ATRN: variants seen among roughly 807,000 people sequenced by gnomAD.
The protein encoded by ATRN is attractin-2.
A neutral mutation model predicts 178.7 loss-of-function variants in ATRN; 54 were observed. The observed-to-expected ratio is 0.30, with a 90% CI of 0.24 to 0.38. The LOEUF (loss-of-function observed/expected upper bound fraction) is 0.38. Ranked by LOEUF, ATRN falls within the 10% of genes least tolerant of loss-of-function variation. The pLI, the probability that ATRN is intolerant of heterozygous loss-of-function variation, is 1.00. For synonymous variants in ATRN, 636 were observed against 663.0 expected (o/e 0.96, Z 0.63); for missense variants, 1,443 against 1,815.1 (o/e 0.79, Z 3.73).
intron 1 of ATRN, among the ~76,000 whole-genome samples, chr20:3,521,858 C>G (rs150612444): frequency 3.4e-4 from 52 of 152,316 alleles, no homozygotes; most frequent in African/African-American, 1.1e-3. Context: ...TTGTAGCTCA[C>G]TGCAGCCTCT....
chr20:3,639,074 C>T (rs1325079935), intron 27 of ATRN, 139 bp downstream of exon 27: 8 of 604,358 alleles, frequency 1.3e-5, no homozygotes, highest in Middle Eastern at 4.5e-4. Context: ...TAAGCTAAAA[C>T]CTGAAGTTGC....
intron 1 of ATRN, among the ~76,000 whole-genome samples, chr20:3,485,390 C>T (rs1345681858): frequency 7.2e-5 from 11 of 151,964 alleles, no homozygotes; most frequent in Admixed American, 7.2e-4. Flanking sequence ...TGGTCTTGAT[C>T]CTGACTTTAA....
At chr20:3,525,428 A>G (rs1321457772) in intron 1 of ATRN, among the ~76,000 whole-genome samples, 1 of 152,220 alleles carries the variant, frequency 6.6e-6, no homozygotes, top group Non-Finnish European at 1.5e-5. Context: ...ACCAAAAAAA[A>G]GCCCAGGCCC....
chr20:3,471,090 C>A lies in ATRN; in HGVS notation c.-18C>A. ...GTGTGTGTATGTGTTCGCGGGGCGC[C>A]GTCTCAGCCCCGGGAAGATGGTGGC... On this transcript the variant is annotated 5_prime_UTR_variant, in exon 1 of 29. Coordinates refer to ENST00000262919, the MANE Select transcript of ATRN (RefSeq NM_139321.3). The A allele has an allele frequency of 2.0e-6, 3 of 1,507,592 alleles. No individual in the cohort carries two copies. The highest frequency in any genetic ancestry group is 2.6e-6 in the Non-Finnish European group (3 of 1,134,812). 93.4% of individuals were successfully genotyped at this position (1,507,592 alleles called of 1,614,324 possible). A position where few individuals can be genotyped will look rare whatever the true frequency, so the allele number is the denominator to read the frequency against.
chr20:3,487,453 G>A (rs990582034), intron 1 of ATRN, among the ~76,000 whole-genome samples: 30 of 152,124 alleles, frequency 2.0e-4, no homozygotes, highest in Non-Finnish European at 4.1e-4. Context: ...GGCTGGTCTT[G>A]AACTCCTGAT....
At chr20:3,616,146 T>C (rs1332427151) in intron 24 of ATRN, among the ~76,000 whole-genome samples, 2 of 152,186 alleles carry the variant, frequency 1.3e-5, no homozygotes, top group Non-Finnish European at 2.9e-5. Flanking sequence ...AATGCTATTG[T>C]TCCCTTGGGT....
At chr20:3,563,630 T>G (rs560313608) in intron 10 of ATRN, among the ~76,000 whole-genome samples, 31 of 152,364 alleles carry the variant, frequency 2.0e-4, no homozygotes, top group Non-Finnish European at 3.1e-4. Context: ...TCCTTTGTCA[T>G]GTTATGCCTA....
intron 28 of ATRN, among the ~76,000 whole-genome samples, chr20:3,644,481 G>A (rs528665790): frequency 6.6e-6 from 1 of 152,142 alleles, no homozygotes; most frequent in East Asian, 1.9e-4. Context: ...GGGACGTCCC[G>A]GGACCTCCTC....
At position 3,533,216 on chromosome 20, in the gene ATRN, C is replaced by G. The variant is rs190310064; in HGVS notation, c.411-2037C>G. Among the ~76,000 whole-genome samples the G allele has an allele frequency of 2.0e-4, 30 of 152,224 alleles. No homozygotes were observed. In the East Asian group the frequency reaches 4.4e-3, roughly 23 times the overall value. On this transcript the variant is annotated intron_variant, in intron 1 of 28. Coordinates refer to ENST00000262919, the MANE Select transcript of ATRN (RefSeq NM_139321.3). ...AAGAGGAGATCTAGGTGGCATGTCT[C>G]CCTGTCCACACACTTTCCTAAGAAT... is the stretch of plus-strand genomic sequence containing the variant.
intron 18 of ATRN, among the ~76,000 whole-genome samples, chr20:3,588,981 G>GTTTT (rs386393128): frequency 0.54 from 53,368 of 99,140 alleles, 17,212 homozygotes; most frequent in East Asian, 0.84. Flanking sequence ...ATTTTCTTTT[G>GTTTT]TTTTTTTTTT....
intron 25 of ATRN, 112 bp downstream of exon 25, chr20:3,624,684 A>T: frequency 1.1e-6 from 1 of 924,886 alleles, no homozygotes; most frequent in Admixed American, 2.3e-5. Flanking sequence ...TCCACCACAG[A>T]TTAAATTTAC....
At position 3,603,834 on chromosome 20, in the gene ATRN, C is replaced by G. The variant is rs151192633; in HGVS notation, c.3644-271C>G. ...GGCATAGGCTTGTATATCAGCCTGC[C>G]CAGCTTTAAATCTTATCTCCATTTC... On this transcript the variant is annotated intron_variant, in intron 23 of 28. Coordinates refer to ENST00000262919, the MANE Select transcript of ATRN (RefSeq NM_139321.3). Among the ~76,000 whole-genome samples the G allele has an allele frequency of 9.2e-3, 1,392 of 152,126 alleles. 18 individuals are homozygous for G. The highest frequency in any genetic ancestry group is 0.041 in the Middle Eastern group (12 of 294).
chr20:3,544,677 A>C (rs1218907360), intron 3 of ATRN, among the ~76,000 whole-genome samples: 1 of 152,200 alleles, frequency 6.6e-6, no homozygotes, highest in Admixed American at 6.5e-5. Flanking sequence ...AAATAGAACT[A>C]GTAGTCCTTG....
At chr20:3,486,038 G>A (rs2084689488) in intron 1 of ATRN, among the ~76,000 whole-genome samples, 2 of 152,100 alleles carry the variant, frequency 1.3e-5, no homozygotes, top group African/African-American at 4.8e-5. Flanking sequence ...ATTTAAGATT[G>A]ATCATTATTT....
At chr20:3,489,801 C>A in intron 1 of ATRN, 1 of 1,272,762 alleles carries the variant, frequency 7.9e-7, no homozygotes, top group South Asian at 1.2e-5. Context: ...GGTGTAGTTT[C>A]CACAAATCTC....
At chr20:3,537,210 C>T (rs1395217075) in intron 2 of ATRN, among the ~76,000 whole-genome samples, 1 of 152,164 alleles carries the variant, frequency 6.6e-6, no homozygotes, top group Non-Finnish European at 1.5e-5. Flanking sequence ...CTAATTACTA[C>T]TTGAAAGCTT....
chr20:3,597,104 A>C (rs1218889281), intron 21 of ATRN, among the ~76,000 whole-genome samples: 3 of 133,492 alleles, frequency 2.2e-5, no homozygotes, highest in Admixed American at 8.3e-5. Context: ...AGAGAAAAAC[A>C]TCTTGACCTT....
chr20:3,603,016 A>G (rs1020906073), intron 23 of ATRN, among the ~76,000 whole-genome samples: 1 of 150,220 alleles, frequency 6.7e-6, no homozygotes, highest in African/African-American at 2.5e-5. Context: ...GAGTGTCTCA[A>G]TGAAGACGTG....
rs936491726 is a variant in ATRN at position 3,644,238 on chromosome 20, C to T, written c.4135C>T (p.Leu1379=). 1 of 1,614,184 alleles carries T rather than the reference C, an allele frequency of 6.2e-7. No homozygotes were observed. Among genetic ancestry groups the T allele is most frequent in the Admixed American group, 1.7e-5 (1 of 60,020 alleles). ...LSVFVRLPRG[L]GGIPPPGQSG... ...TGTGTTTGTGAGGCTCCCTCGAGGC[C>T]TGGGTGGCATCCCTCCTCCTGGGCA... is the stretch of plus-strand genomic sequence containing the variant. Residue 1379 remains leucine, a synonymous_variant, in exon 28 of 29, where the codon CTG becomes TTG. Coordinates refer to ENST00000262919, the MANE Select transcript of ATRN (RefSeq NM_139321.3).
Sources: gnomAD v4.1 joint callset for allele counts (sites outside exome capture counted in the v4.1 genomes callset) on GRCh38, gnomAD v4.1.1 for gene constraint, MANE v1.5 for transcripts, NCBI Gene and HGNC (gene_info 2026-07-23, HGNC 2026-07-21) for gene names.